The following SH3GL2 variants were observed in gnomAD, a reference collection of about 807,000 sequenced individuals.
The protein encoded by SH3GL2 is SH3 domain containing GRB2 like 2, endophilin A1, also known as endophilin-A1.
SH3GL2 carries 24 observed loss-of-function variants against 46.0 expected under a neutral mutation model. The ratio of observed to expected loss-of-function variants is 0.52; its 90% CI spans 0.38 to 0.73. SH3GL2 has a LOEUF of 0.73. Ranked by LOEUF, SH3GL2 falls within the 30% of genes least tolerant of loss-of-function variation. SH3GL2 has a pLI of 0.00. For synonymous variants in SH3GL2, 196 were observed against 147.1 expected (o/e 1.33, Z -2.40); for missense variants, 413 against 424.2 (o/e 0.97, Z 0.23).
At chr9:17,789,667 C>G in intron 6 of SH3GL2, 117 bp downstream of exon 6, 2 of 1,468,942 alleles carry the variant, frequency 1.4e-6, no homozygotes, top group Non-Finnish European at 1.8e-6. Flanking sequence ...ATAAGAACTT[C>G]AGTAGATAGT....
At chr9:17,647,320 G>T (rs9406687) in intron 1 of SH3GL2, among the ~76,000 whole-genome samples, 126,673 of 152,218 alleles carry the variant, frequency 0.83, 55,040 homozygotes, top group East Asian at 0.97. Context: ...ACTAGGCAAG[G>T]TCACATTGTT....
At chr9:17,640,459 AT>A (rs71492925) in intron 1 of SH3GL2, among the ~76,000 whole-genome samples, 1 of 151,782 alleles carries the variant, frequency 6.6e-6, no homozygotes, top group Non-Finnish European at 1.5e-5. Context: ...TATGGGACAC[AT>A]TTTTTTTGTT....
At chr9:17,729,790 T>C (rs1009365286) in intron 1 of SH3GL2, among the ~76,000 whole-genome samples, 6 of 152,184 alleles carry the variant, frequency 3.9e-5, no homozygotes, top group Non-Finnish European at 7.4e-5. Context: ...GTGTTATTTC[T>C]GAGGTCTCTG....
At chr9:17,593,603 A>G (rs939143572) in intron 1 of SH3GL2, among the ~76,000 whole-genome samples, 3 of 152,172 alleles carry the variant, frequency 2.0e-5, no homozygotes, top group African/African-American at 4.8e-5. Context: ...CTTCCCATAC[A>G]TAATTTGACT....
At chr9:17,633,955 G>T (rs1029102057) in intron 1 of SH3GL2, among the ~76,000 whole-genome samples, 1 of 152,222 alleles carries the variant, frequency 6.6e-6, no homozygotes, top group African/African-American at 2.4e-5. Context: ...CACTGCTGTG[G>T]TATGTTTCTT....
Position 17,789,448 on chromosome 9 carries a change from A to G in SH3GL2, c.522A>G (p.Arg174=). Residue 174 remains arginine, a synonymous_variant, in exon 6 of 9, where the codon CGA becomes CGG. Transcript: ENST00000380607. ...RRLDFDYKKK[R]QGKIPDEELR... ...TGGATTTTGATTATAAGAAGAAACG[A>G]CAAGGCAAGATTCCGGATGAAGAGC... The G allele has an allele frequency of 2.5e-6, 4 of 1,613,572 alleles. No homozygotes were observed. In the East Asian group the frequency reaches 6.7e-5, roughly 27 times the overall value.
intron 1 of SH3GL2, among the ~76,000 whole-genome samples, chr9:17,628,697 C>A (rs1175891454): frequency 6.6e-6 from 1 of 151,666 alleles, no homozygotes; most frequent in Non-Finnish European, 1.5e-5. Flanking sequence ...TAATTTCAAC[C>A]AAAAAGTTCT....
chr9:17,733,338 C>A (rs972502488), intron 1 of SH3GL2, among the ~76,000 whole-genome samples: 1 of 151,666 alleles, frequency 6.6e-6, no homozygotes, highest in South Asian at 2.1e-4. Flanking sequence ...AGGTTAGTTA[C>A]ATATGTATAC....
chr9:17,777,288 T>C (rs918941271), intron 3 of SH3GL2, among the ~76,000 whole-genome samples: 2 of 152,150 alleles, frequency 1.3e-5, no homozygotes, highest in East Asian at 1.9e-4. Context: ...AGGTGGAATA[T>C]TTATAAAGAT....
chr9:17,604,142 A>G (rs896968069), intron 1 of SH3GL2, among the ~76,000 whole-genome samples: 1 of 152,118 alleles, frequency 6.6e-6, no homozygotes, highest in African/African-American at 2.4e-5. Flanking sequence ...CATACGTGAG[A>G]AAACTGGGTC....
intron 1 of SH3GL2, among the ~76,000 whole-genome samples, chr9:17,692,960 T>G (rs1214682956): frequency 6.6e-6 from 1 of 152,050 alleles, no homozygotes; most frequent in African/African-American, 2.4e-5. Context: ...ATCATGAGAA[T>G]AGCAAGGGGA....
chr9:17,730,713 T>C (rs1296513588), intron 1 of SH3GL2, among the ~76,000 whole-genome samples: 1 of 152,014 alleles, frequency 6.6e-6, no homozygotes, highest in Admixed American at 6.6e-5. Context: ...CTATTGAAGA[T>C]ACTCTCCTAA....
intron 2 of SH3GL2, among the ~76,000 whole-genome samples, chr9:17,748,590 C>T (rs970343662): frequency 6.6e-6 from 1 of 151,928 alleles, no homozygotes; most frequent in African/African-American, 2.4e-5. Context: ...TAGGTACTTT[C>T]TACCTTGTCT....
At chr9:17,691,123 G>C (rs979751399) in intron 1 of SH3GL2, among the ~76,000 whole-genome samples, 1 of 152,128 alleles carries the variant, frequency 6.6e-6, no homozygotes, top group African/African-American at 2.4e-5. Context: ...GGTCTCGGCA[G>C]GTGCCACAGG....
At chr9:17,688,202 G>C (rs1820974828) in intron 1 of SH3GL2, among the ~76,000 whole-genome samples, 1 of 152,044 alleles carries the variant, frequency 6.6e-6, no homozygotes, top group African/African-American at 2.4e-5. Flanking sequence ...TCTAACCATT[G>C]AGTTCAATTT....
chr9:17,748,576 A>T (rs1822757433), intron 2 of SH3GL2, among the ~76,000 whole-genome samples: 1 of 152,012 alleles, frequency 6.6e-6, no homozygotes, highest in Non-Finnish European at 1.5e-5. Flanking sequence ...TAAAAAAAAA[A>T]TCCTAGGTAC....
intron 1 of SH3GL2, among the ~76,000 whole-genome samples, chr9:17,683,821 C>T (rs2118066550): frequency 6.6e-6 from 1 of 152,028 alleles, no homozygotes; most frequent in South Asian, 2.1e-4. Context: ...GCAAACCAGC[C>T]CCAACTGAAG....
chr9:17,724,983 A>G (rs1821986259), intron 1 of SH3GL2, among the ~76,000 whole-genome samples: 1 of 152,110 alleles, frequency 6.6e-6, no homozygotes, highest in Admixed American at 6.6e-5. Flanking sequence ...ACAAGGCTCT[A>G]GTAGATAAGT....
intron 2 of SH3GL2, among the ~76,000 whole-genome samples, chr9:17,747,953 C>T (rs1054211239): frequency 1.3e-5 from 2 of 152,138 alleles, no homozygotes; most frequent in African/African-American, 2.4e-5. Context: ...AGGTTCCAGG[C>T]ATGAACCACT....
Sources: allele counts gnomAD v4.1 joint callset (sites outside exome capture counted in the v4.1 genomes callset), GRCh38; gene constraint gnomAD v4.1.1; transcripts MANE v1.5; gene names NCBI Gene and HGNC (gene_info 2026-07-23, HGNC 2026-07-21).